MARCHF10: variants seen among roughly 807,000 people sequenced by gnomAD.
MARCHF10 encodes membrane associated ring-CH-type finger 10.
Under a neutral mutation model 76.2 loss-of-function variants are expected in MARCHF10, and 64 were observed. The ratio of observed to expected loss-of-function variants is 0.84; its 90% confidence interval spans 0.69 to 1.03. The LOEUF (loss-of-function observed/expected upper bound fraction) is 1.03. Among genes scored for constraint, MARCHF10 ranks in the 50% least tolerant of loss-of-function variants. The probability of loss-of-function intolerance (pLI) is 0.00; values close to 1 mark genes in which losing one functional copy is unlikely to be tolerated. For missense variants in MARCHF10, 875 were observed against 958.0 expected, an observed-to-expected ratio of 0.91 and a Z score of 1.14; for synonymous variants, 340 against 357.5, an observed-to-expected ratio of 0.95 and a Z score of 0.55.
intron 3 of MARCHF10, among the ~76,000 whole-genome samples, chr17:62,784,137 C>T (rs186674409): frequency 5.5e-4 from 84 of 152,270 alleles, no homozygotes; most frequent in African/African-American, 1.9e-3. Flanking sequence ...AAAATACTGG[C>T]AAAGCGAATC....
At chr17:62,768,192 A>G (rs2092376495) in intron 3 of MARCHF10, among the ~76,000 whole-genome samples, 1 of 152,166 alleles carries the variant, frequency 6.6e-6, no homozygotes, top group African/African-American at 2.4e-5. Context: ...TCCCTTTGTT[A>G]CAGCAGCTAA....
At chr17:62,710,462 T>A (rs2089858047) in intron 9 of MARCHF10, among the ~76,000 whole-genome samples, 1 of 151,544 alleles carries the variant, frequency 6.6e-6, no homozygotes, top group South Asian at 2.1e-4. Flanking sequence ...CAGCCTGTTG[T>A]CTTAATTGAG....
intron 4 of MARCHF10, among the ~76,000 whole-genome samples, chr17:62,751,895 C>T (rs2091907791): frequency 6.6e-6 from 1 of 152,088 alleles, no homozygotes; most frequent in Admixed American, 6.5e-5. Context: ...TGGCGCATGC[C>T]TGTAATCTCA....
chr17:62,758,795 C>T (rs1027324890), intron 4 of MARCHF10, among the ~76,000 whole-genome samples: 1 of 152,212 alleles, frequency 6.6e-6, no homozygotes, highest in African/African-American at 2.4e-5. Context: ...TAATGAATTG[C>T]ACACTGTTGA....
chr17:62,715,485 C>T (rs1346034797), intron 8 of MARCHF10, among the ~76,000 whole-genome samples: 1 of 152,232 alleles, frequency 6.6e-6, no homozygotes, highest in African/African-American at 2.4e-5. Context: ...TTATTTGGCT[C>T]GCCGCATGCT....
At chr17:62,794,299 G>C (rs1246324701) in intron 2 of MARCHF10, among the ~76,000 whole-genome samples, 1 of 151,878 alleles carries the variant, frequency 6.6e-6, no homozygotes, top group African/African-American at 2.4e-5. Flanking sequence ...CACCACCACT[G>C]CCACTCCCAT....
rs115349355 is a variant in MARCHF10 at position 62,749,604 on chromosome 17, G to C, written c.383-5076C>G. On this transcript the variant is annotated intron_variant, in intron 4 of 10. Transcript: ENST00000311269. ...CTATTTGAGTGTGCGAGAAATGTGT[G>C]TTGTCTCATGTACCCAGAGGAGATC... is the stretch of plus-strand genomic sequence containing the variant. 5.7e-3 allele frequency among the ~76,000 whole-genome samples: 863 copies of C among 152,322 alleles called. 8 individuals are homozygous for C. The highest frequency in any genetic ancestry group is 0.02 in the African/African-American group (826 of 41,554).
chr17:62,806,072 A>T (rs1440823659), intron 1 of MARCHF10, among the ~76,000 whole-genome samples: 1 of 152,174 alleles, frequency 6.6e-6, no homozygotes, highest in Non-Finnish European at 1.5e-5. Flanking sequence ...TCTTCATGAG[A>T]TTAAACAAAT....
chr17:62,803,574 C>T (rs956700756), intron 1 of MARCHF10, among the ~76,000 whole-genome samples: 4 of 151,986 alleles, frequency 2.6e-5, no homozygotes, highest in African/African-American at 4.8e-5. Context: ...GGCTGGAGTG[C>T]CGTGGGGCTA....
chr17:62,805,041 T>A (rs139836418), intron 1 of MARCHF10: 1 of 152,174 alleles, frequency 6.6e-6, no homozygotes, highest in Non-Finnish European at 1.5e-5. Context: ...TGGTTTATCA[T>A]CTGGCCCTGA....
intron 3 of MARCHF10, among the ~76,000 whole-genome samples, chr17:62,766,110 T>C (rs750680051): frequency 1.4e-5 from 2 of 147,620 alleles, no homozygotes; most frequent in Non-Finnish European, 3.0e-5. Context: ...GCAGAAGGAT[T>C]GCCCACGCCT....
At position 62,701,431 on chromosome 17, in the gene MARCHF10, T is replaced by C. The variant is rs1257203555; in HGVS notation, c.*272A>G. The C allele has an allele frequency of 1.7e-5, 11 of 652,678 alleles. No homozygotes were observed. Among genetic ancestry groups the C allele is most frequent in the Admixed American group, 1.3e-4 (4 of 31,024 alleles). 40.4% of individuals were successfully genotyped at this position (652,678 alleles called of 1,614,324 possible). On this transcript the variant is annotated 3_prime_UTR_variant, in exon 11 of 11. Coordinates refer to ENST00000311269, the MANE Select transcript of MARCHF10 (RefSeq NM_152598.4). ...CCAGGCCACTGGACCTGGCAGGGCT[T>C]CTGGGCTAAGGGGGCAGCACCAGGC...
At chr17:62,765,955 C>T (rs7210326) in intron 3 of MARCHF10, among the ~76,000 whole-genome samples, 75,109 of 151,624 alleles carry the variant, frequency 0.5, 20,138 homozygotes, top group East Asian at 0.7. Context: ...GTAATCCCAG[C>T]ACGGTAGGAG....
chr17:62,787,697 G>A (rs79094093), intron 3 of MARCHF10, among the ~76,000 whole-genome samples: 4,304 of 152,136 alleles, frequency 0.028, 78 homozygotes, highest in East Asian at 0.059. Flanking sequence ...AAAGTTTTGT[G>A]ACTTCTCTAA....
intron 10 of MARCHF10, among the ~76,000 whole-genome samples, 173 bp from the exon 11 acceptor site, chr17:62,701,931 G>A (rs370591950): frequency 8.0e-4 from 122 of 152,164 alleles, no homozygotes; most frequent in Admixed American, 3.1e-3. Flanking sequence ...GTCTGGGGCC[G>A]GGGAATCCAC....
chr17:62,731,980 A>G (rs750040743), intron 6 of MARCHF10, among the ~76,000 whole-genome samples: 11 of 152,250 alleles, frequency 7.2e-5, no homozygotes, highest in Non-Finnish European at 1.5e-4. Context: ...ACATATAGTC[A>G]GTTGGATTTC....
chr17:62,799,032 G>C (rs1016106474), intron 2 of MARCHF10, among the ~76,000 whole-genome samples: 1 of 152,240 alleles, frequency 6.6e-6, no homozygotes, highest in African/African-American at 2.4e-5. Context: ...GTGTGAGTGT[G>C]TGAAACCCGG....
intron 2 of MARCHF10, among the ~76,000 whole-genome samples, chr17:62,797,698 G>A (rs975163343): frequency 6.6e-6 from 1 of 152,158 alleles, no homozygotes; most frequent in African/African-American, 2.4e-5. Flanking sequence ...CTTTAAGTGA[G>A]GGAAAGCACA....
rs201478698 is a variant in MARCHF10, at chr17:62,736,692, G to A, written c.1176C>T (p.Gly392=). 2.8e-5 allele frequency: 45 copies of A among 1,613,940 alleles called. No individual in the cohort carries two copies. Among genetic ancestry groups the A allele is most frequent in the Non-Finnish European group, 7.6e-6 (9 of 1,180,008 alleles). The part of the protein sequence containing the change: ...RESATEKDRG[G]SENAKKSPLS... ...GAGGGCTCTTTTTCGCATTTTCACT[G>A]CCACCTCTGTCCTTCTCTGTAGCAG... is the stretch of plus-strand genomic sequence containing the variant. The change falls in exon 6 of 11, where the codon GGC becomes GGT. Residue 392 remains glycine, a synonymous_variant. Transcript: ENST00000311269.
Sources: allele counts gnomAD v4.1 joint callset (sites outside exome capture counted in the v4.1 genomes callset), GRCh38; gene constraint gnomAD v4.1.1; transcripts MANE v1.5; gene names NCBI Gene and HGNC (gene_info 2026-07-23, HGNC 2026-07-21).